The following SHOC2 variants were observed in gnomAD, a reference collection of about 807,000 sequenced individuals.
SHOC2 encodes leucine-rich repeat protein SHOC-2.
A neutral mutation model predicts 50.2 loss-of-function variants in SHOC2; 4 were observed. The observed-to-expected ratio is 0.08, with a 90% confidence interval of 0.04 to 0.18. The LOEUF (loss-of-function observed/expected upper bound fraction) is 0.18. SHOC2 is among the 10% of genes least tolerant of loss of function. The pLI, the probability that SHOC2 is intolerant of heterozygous loss-of-function variation, is 1.00. For missense variants in SHOC2, 388 were observed against 669.6 expected, an observed-to-expected ratio of 0.58 and a Z score of 4.64; for synonymous variants, 218 against 244.5, an observed-to-expected ratio of 0.89 and a Z score of 1.01.
intron 1 of SHOC2, among the ~76,000 whole-genome samples, chr10:110,957,262 A>G (rs796725410): frequency 1.1e-4 from 17 of 152,336 alleles, no homozygotes; most frequent in African/African-American, 3.8e-4. Flanking sequence ...TCTGTATTCT[A>G]GTTTCAGCAA....
chr10:110,941,775 G>T (rs1158315703), intron 1 of SHOC2, among the ~76,000 whole-genome samples: 1 of 152,040 alleles, frequency 6.6e-6, no homozygotes, highest in Non-Finnish European at 1.5e-5. Flanking sequence ...TTTCGATGAA[G>T]TGCAGTGTAT....
At position 110,964,610 on chromosome 10, in the gene SHOC2, A is replaced by G; in HGVS notation, c.252A>G (p.Lys84=). The change falls in exon 2 of 9, where the codon AAA becomes AAG. Residue 84 remains lysine (K), a synonymous_variant. Transcript: ENST00000369452. The surrounding 1 kb of genome is among the most constrained non-coding windows in gnomAD (Gnocchi z 4.9). ...RPNPAPGTRK[K]SSNAEVIKEL... ...ACCCAGCACCTGGGACTAGAAAAAA[A>G]TCCAGCAATGCAGAGGTGATTAAAG... 1 of 1,614,142 alleles carries G rather than the reference A, an allele frequency of 6.2e-7. No individual in the cohort carries two copies. Among genetic ancestry groups the G allele is most frequent in the Non-Finnish European group, 8.5e-7 (1 of 1,180,002 alleles).
intron 3 of SHOC2, among the ~76,000 whole-genome samples, chr10:110,996,602 A>G (rs998580622): frequency 2.6e-5 from 4 of 152,112 alleles, no homozygotes; most frequent in Non-Finnish European, 5.9e-5. Flanking sequence ...GAGAATACAA[A>G]TAGAATTTTG....
chr10:110,998,827 C>T (rs1375600528), intron 3 of SHOC2, among the ~76,000 whole-genome samples: 1 of 152,190 alleles, frequency 6.6e-6, no homozygotes, highest in Non-Finnish European at 1.5e-5. Context: ...TGTAACTTCA[C>T]TCACTTGATA....
At chr10:110,990,530 G>T (rs1449681606) in intron 3 of SHOC2, among the ~76,000 whole-genome samples, 1 of 82,226 alleles carries the variant, frequency 1.2e-5, no homozygotes, top group Non-Finnish European at 4.0e-5. Flanking sequence ...TGATGGGGAC[G>T]TGGAGAACCT....
intron 1 of SHOC2, among the ~76,000 whole-genome samples, chr10:110,935,545 T>C (rs1846989610): frequency 6.6e-6 from 1 of 152,228 alleles, no homozygotes; most frequent in Non-Finnish European, 1.5e-5. Flanking sequence ...ATTTTGAATA[T>C]GTAAATCTCT....
In SHOC2 at chr10:111,000,446, G is replaced by A. The variant is rs1431404987; in HGVS notation, c.873G>A (p.Leu291=). 1.9e-6 allele frequency: 3 copies of A among 1,613,704 alleles called. No homozygotes were observed. Among genetic ancestry groups the A allele is most frequent in the Non-Finnish European group, 2.5e-6 (3 of 1,179,712 alleles). Residue 291 remains leucine, a synonymous_variant, in exon 4 of 9, where the codon CTG becomes CTA. Coordinates refer to ENST00000369452, the MANE Select transcript of SHOC2 (RefSeq NM_007373.4). ...GNLSSLSRLG[L]RYNRLSAIPR... ...TGTCCAGTTTAAGTCGTCTTGGTCT[G>A]AGATATAACAGACTGTCAGCAATAC...
intron 3 of SHOC2, among the ~76,000 whole-genome samples, chr10:110,995,312 T>TA (rs2134162028): frequency 6.6e-6 from 1 of 152,324 alleles, no homozygotes; most frequent in South Asian, 2.1e-4. Flanking sequence ...ATTGCCAACT[T>TA]ACGGTGAAAA....
intron 3 of SHOC2, among the ~76,000 whole-genome samples, chr10:110,995,249 G>A (rs182638234): frequency 1.3e-5 from 2 of 152,344 alleles, no homozygotes; most frequent in East Asian, 3.9e-4. Context: ...TTTCAGTCTG[G>A]TGAGGGAGAT....
intron 3 of SHOC2, among the ~76,000 whole-genome samples, chr10:110,994,183 G>A (rs1308596186): frequency 6.6e-6 from 1 of 152,108 alleles, no homozygotes; most frequent in African/African-American, 2.4e-5. Context: ...TTATCAGAAG[G>A]TTTTGAAGTT....
At chr10:110,979,942 C>T (rs1217669516) in intron 2 of SHOC2, among the ~76,000 whole-genome samples, 2 of 152,126 alleles carry the variant, frequency 1.3e-5, no homozygotes, top group Non-Finnish European at 2.9e-5. Flanking sequence ...GGTACTGGGC[C>T]ACCAACTGTT....
rs1848606839 is a variant in SHOC2, at chr10:111,013,513, A to G, written c.*1695A>G. On this transcript the variant is annotated 3_prime_UTR_variant, in exon 9 of 9. Transcript: ENST00000369452. ...AATGGAAGGCAGGTGAAGATATAAA[A>G]CCCTAGAATGCTTAAATGTGCTGTA... The G allele has an allele frequency of 6.6e-6, 1 of 151,766 alleles. No individual in the cohort carries two copies. The highest frequency in any genetic ancestry group is 2.1e-4 in the South Asian group (1 of 4,802). 9.4% of individuals were successfully genotyped at this position (151,766 alleles called of 1,614,324 possible).
intron 1 of SHOC2, among the ~76,000 whole-genome samples, chr10:110,932,089 T>G (rs1003924938): frequency 1.3e-5 from 2 of 152,130 alleles, no homozygotes; most frequent in African/African-American, 4.8e-5. Flanking sequence ...AGGAGTTAGC[T>G]CAGTGAAGAA....
At chr10:110,983,712 GCTTT>G (rs1291876614) in intron 2 of SHOC2, among the ~76,000 whole-genome samples, 1 of 152,044 alleles carries the variant, frequency 6.6e-6, no homozygotes, top group African/African-American at 2.4e-5. Flanking sequence ...CCACGGTTCT[GCTTT>G]CTGTCTCTAT....
intron 3 of SHOC2, among the ~76,000 whole-genome samples, chr10:110,993,432 G>A (rs1045292786): frequency 1.3e-5 from 2 of 152,074 alleles, no homozygotes; most frequent in Non-Finnish European, 1.5e-5. Context: ...ATGGACTTTG[G>A]CAAAATGTGG....
intron 3 of SHOC2, among the ~76,000 whole-genome samples, chr10:110,993,801 C>T (rs751659709): frequency 6.6e-6 from 1 of 152,160 alleles, no homozygotes; most frequent in African/African-American, 2.4e-5. Flanking sequence ...AGTTGACAAA[C>T]ATTTAGAATT....
chr10:110,953,268 G>A (rs1392680363), intron 1 of SHOC2, among the ~76,000 whole-genome samples: 7 of 152,122 alleles, frequency 4.6e-5, no homozygotes, highest in Admixed American at 2.0e-4. Flanking sequence ...TCTGACTGGC[G>A]TGAGATGGTG....
chr10:111,005,199 G>C (rs1339253327), intron 5 of SHOC2, among the ~76,000 whole-genome samples: 7 of 152,078 alleles, frequency 4.6e-5, no homozygotes. Flanking sequence ...GCTTGAGCCT[G>C]GGAGTTCAAG....
chr10:110,953,180 C>T (rs1190508369), intron 1 of SHOC2, among the ~76,000 whole-genome samples: 3 of 152,224 alleles, frequency 2.0e-5, no homozygotes, highest in Admixed American at 1.3e-4. Flanking sequence ...TACATTCCCA[C>T]CAGCAGTTTA....
Sources: allele counts gnomAD v4.1 joint callset (sites outside exome capture counted in the v4.1 genomes callset), GRCh38; gene constraint gnomAD v4.1.1; non-coding constraint Gnocchi (gnomAD v3.1); transcripts MANE v1.5; gene names NCBI Gene and HGNC (gene_info 2026-07-23, HGNC 2026-07-21).